The following GTF2B variants were observed in gnomAD, a reference collection of about 807,000 sequenced individuals.
The protein encoded by GTF2B is general transcription factor IIB.
In GTF2B, 20 loss-of-function variants were observed where a neutral mutation model predicts 34.6. That is an observed-to-expected ratio of 0.58 (90% CI 0.41 to 0.84). The LOEUF (loss-of-function observed/expected upper bound fraction) is 0.84, where lower values mean the gene tolerates loss of function less well. Among genes scored for constraint, GTF2B ranks in the 40% least tolerant of loss-of-function variants. GTF2B has a pLI of 0.00. For missense variants in GTF2B, 237 were observed against 393.3 expected (o/e 0.60, Z 3.36); for synonymous variants, 142 against 132.4 (o/e 1.07, Z -0.50).
chr1:88,868,759 G>A (rs915020837), intron 2 of GTF2B, among the ~76,000 whole-genome samples: 5 of 151,006 alleles, frequency 3.3e-5, no homozygotes, highest in East Asian at 3.9e-4. Flanking sequence ...TTTTTGAGAC[G>A]GAGTCTCGCT....
rs761582998 is a variant in GTF2B at position 88,864,108 on chromosome 1, C to G, written c.131G>C (p.Arg44Pro). ...CPECGLVVGD[R>P]VIDVGSEWRT... ...CCATTCAGATCCCACATCAATAACC[C>G]GGTCACCTAAGAATATAAGCACATA... The change falls in exon 3 of 7, where the codon CGG (arginine) becomes CCG (proline). Residue 44 changes from arginine (R) to proline (P), a missense_variant. Around this residue, in one of 3 missense-constraint regions of GTF2B, gnomAD observed 130 missense variants for 170.9 expected, o/e 0.76. Transcript: ENST00000370500. The G allele has an allele frequency of 6.2e-7, 1 of 1,613,890 alleles. No individual in the cohort carries two copies. The highest frequency in any genetic ancestry group is 1.7e-5 in the Admixed American group (1 of 60,032).
chr1:88,885,337 G>C (rs1251900942), intron 2 of GTF2B, among the ~76,000 whole-genome samples: 1 of 152,150 alleles, frequency 6.6e-6, no homozygotes, highest in East Asian at 1.9e-4. Context: ...CTATTCGGGA[G>C]GCTGAGGCAG....
chr1:88,888,506 AAC>A (rs1325141095), intron 1 of GTF2B, among the ~76,000 whole-genome samples: 2 of 152,214 alleles, frequency 1.3e-5, no homozygotes, highest in African/African-American at 2.4e-5. Flanking sequence ...AATAAAATTA[AAC>A]AGTTGATATA....
At position 88,853,207 on chromosome 1, in the gene GTF2B, C is replaced by A; in HGVS notation, c.*6G>T. 6.2e-7 allele frequency: 1 copy of A among 1,613,566 alleles called. No homozygotes were observed. Among genetic ancestry groups the A allele is most frequent in the Non-Finnish European group, 8.5e-7 (1 of 1,179,532 alleles). On this transcript the variant is annotated 3_prime_UTR_variant, in exon 7 of 7. Transcript: ENST00000370500. ...TATTCAAGAATTTGACGTTAGCTGC[C>A]TCAATTTATAGCTGTGGTAGTTTGT...
chr1:88,860,756 T>C (rs1050653917), intron 3 of GTF2B, among the ~76,000 whole-genome samples: 3 of 152,172 alleles, frequency 2.0e-5, no homozygotes, highest in African/African-American at 7.2e-5. Flanking sequence ...AATTCGTCTT[T>C]GATAAAAACT....
At position 88,891,494 on chromosome 1, in the gene GTF2B, C is replaced by T; in HGVS notation, c.6G>A (p.Ala2=). ...CGGGACATACTAACCGGCTGGTAGA[C>T]GCCATCTTCACGGCGACTGCGGTGC... The part of the protein sequence containing the change: M[A]STSRLDALPR... The change falls in exon 1 of 7, where the codon GCG becomes GCA. Residue 2 remains alanine (A), a synonymous_variant. Transcript: ENST00000370500. 1 of 1,602,560 alleles carries T rather than the reference C, an allele frequency of 6.2e-7. No homozygotes were observed. The highest frequency in any genetic ancestry group is 8.5e-7 in the Non-Finnish European group (1 of 1,174,302).
chr1:88,869,357 C>T (rs1300923220), intron 2 of GTF2B, among the ~76,000 whole-genome samples: 1 of 152,086 alleles, frequency 6.6e-6, no homozygotes, highest in Non-Finnish European at 1.5e-5. Flanking sequence ...AGTGTATTTA[C>T]CCATTAGAAA....
intron 2 of GTF2B, among the ~76,000 whole-genome samples, chr1:88,879,140 G>C (rs935840691): frequency 1.3e-5 from 2 of 152,160 alleles, no homozygotes; most frequent in African/African-American, 4.8e-5. Context: ...CTTGTTTTCA[G>C]ATTGGTGGTG....
chr1:88,886,348 T>A (rs1674068207), intron 2 of GTF2B, among the ~76,000 whole-genome samples: 1 of 152,220 alleles, frequency 6.6e-6, no homozygotes, highest in Admixed American at 6.5e-5. Flanking sequence ...TATTCTCAGA[T>A]GCTACAACTC....
chr1:88,867,497 T>C (rs1484876514), intron 2 of GTF2B, among the ~76,000 whole-genome samples: 1 of 152,086 alleles, frequency 6.6e-6, no homozygotes, highest in African/African-American at 2.4e-5. Context: ...CAAACATGCA[T>C]AGAACAAAAA....
At chr1:88,860,982 T>G (rs1020074634) in intron 3 of GTF2B, among the ~76,000 whole-genome samples, 1 of 152,196 alleles carries the variant, frequency 6.6e-6, no homozygotes, top group Admixed American at 6.5e-5. Flanking sequence ...TTGGAAAGGA[T>G]GTGATAAACT....
At chr1:88,856,297 A>AAAAAAG (rs1472819448) in intron 6 of GTF2B, among the ~76,000 whole-genome samples, 1 of 147,428 alleles carries the variant, frequency 6.8e-6, no homozygotes, top group Non-Finnish European at 1.5e-5. Context: ...AAAACAAAAA[A>AAAAAAG]AAAAAAGGAA....
chr1:88,885,728 C>G (rs1401897867), intron 2 of GTF2B, among the ~76,000 whole-genome samples: 1 of 152,132 alleles, frequency 6.6e-6, no homozygotes, highest in Non-Finnish European at 1.5e-5. Context: ...CCAGCCTGGG[C>G]AACAAGAGCA....
rs1804499 is a variant in GTF2B at position 88,887,330 on chromosome 1, G to A, written c.55C>T (p.Pro19Ser). 1.2e-6 allele frequency: 2 copies of A among 1,612,394 alleles called. No individual in the cohort carries two copies. The highest frequency in any genetic ancestry group is 1.7e-6 in the Non-Finnish European group (2 of 1,178,502). The change falls in exon 2 of 7, where the codon CCA (proline) becomes TCA (serine). Residue 19 changes from proline (P) to serine (S), a missense_variant. Pro to Ser is a moderately conservative substitution (Grantham distance 74, BLOSUM62 -1). Coordinates refer to ENST00000370500, the MANE Select transcript of GTF2B (RefSeq NM_001514.6). ...ALPRVTCPNH[P>S]DAILVEDYRA... is the part of the protein sequence containing the mutation. ...TAGTCCTCCACTAAAATCGCATCTG[G>A]ATGGTTTGGACATGTGACTCTTGGA...
At chr1:88,889,586 G>A (rs1674152970) in intron 1 of GTF2B, among the ~76,000 whole-genome samples, 2 of 152,230 alleles carry the variant, frequency 1.3e-5, no homozygotes, top group South Asian at 2.1e-4. Flanking sequence ...AGAATGATTT[G>A]CCTGAAGTCA....
At chr1:88,889,553 C>T (rs1342600595) in intron 1 of GTF2B, among the ~76,000 whole-genome samples, 1 of 152,198 alleles carries the variant, frequency 6.6e-6, no homozygotes, top group African/African-American at 2.4e-5. Flanking sequence ...GGCACTATTT[C>T]ACATTTAAAA....
At chr1:88,889,503 C>A (rs1436942084) in intron 1 of GTF2B, among the ~76,000 whole-genome samples, 1 of 152,202 alleles carries the variant, frequency 6.6e-6, no homozygotes, top group African/African-American at 2.4e-5. Context: ...TTGTGTTATA[C>A]ATTTATTATT....
intron 2 of GTF2B, among the ~76,000 whole-genome samples, chr1:88,882,716 C>T (rs1403419805): frequency 6.6e-6 from 1 of 152,130 alleles, no homozygotes. Flanking sequence ...ACTTTCTTTT[C>T]GCATAGACAA....
intron 2 of GTF2B, among the ~76,000 whole-genome samples, chr1:88,873,139 T>C (rs1024545977): frequency 1.5e-4 from 22 of 151,150 alleles, no homozygotes; most frequent in African/African-American, 4.6e-4. Context: ...AGCAGACTAA[T>C]AGATGACCCA....
Sources: allele counts gnomAD v4.1 joint callset (sites outside exome capture counted in the v4.1 genomes callset), GRCh38; gene constraint gnomAD v4.1.1; regional missense constraint gnomAD v4.1.1; transcripts MANE v1.5; gene names NCBI Gene and HGNC (gene_info 2026-07-23, HGNC 2026-07-21).